PMS1: variants seen among roughly 807,000 people sequenced by gnomAD.
The protein encoded by PMS1 is PMS1 protein homolog 1.
A neutral mutation model predicts 93.1 loss-of-function variants in PMS1; 79 were observed. The ratio of observed to expected loss-of-function variants is 0.85; its 90% confidence interval spans 0.71 to 1.02. The LOEUF is 1.02. PMS1 is among the 50% of genes least tolerant of loss of function. PMS1 has a pLI of 0.00. For missense variants in PMS1, 1,064 were observed against 1,085.3 expected, an observed-to-expected ratio of 0.98 and a Z score of 0.28; for synonymous variants, 335 against 363.4, an observed-to-expected ratio of 0.92 and a Z score of 0.89.
intron 12 of PMS1, among the ~76,000 whole-genome samples, chr2:189,875,939 G>C (rs1387649299): frequency 2.5e-5 from 3 of 118,296 alleles, no homozygotes; most frequent in African/African-American, 1.1e-4. Flanking sequence ...CTGGGCGATA[G>C]AGCTAGACTC....
chr2:189,836,060 GT>G (rs2053360005), intron 5 of PMS1, among the ~76,000 whole-genome samples: 1 of 152,018 alleles, frequency 6.6e-6, no homozygotes. Context: ...TTTAGAAGGA[GT>G]TGACTTTGCT....
At chr2:189,836,532 G>A (rs1465214945) in intron 5 of PMS1, among the ~76,000 whole-genome samples, 2 of 152,240 alleles carry the variant, frequency 1.3e-5, no homozygotes, top group Non-Finnish European at 2.9e-5. Context: ...AAACGGTAGA[G>A]AAAGCAAACT....
intron 1 of PMS1, among the ~76,000 whole-genome samples, chr2:189,789,913 A>G (rs1228811968): frequency 2.0e-5 from 3 of 152,168 alleles, no homozygotes; most frequent in Non-Finnish European, 2.9e-5. Flanking sequence ...ATAAGATGCA[A>G]AAAGCACCCC....
intron 5 of PMS1, among the ~76,000 whole-genome samples, chr2:189,843,725 A>G (rs1386365611): frequency 1.3e-5 from 2 of 152,226 alleles, no homozygotes; most frequent in East Asian, 3.8e-4. Context: ...GAAATCTTGT[A>G]AAGAGGAGAA....
intron 5 of PMS1, among the ~76,000 whole-genome samples, chr2:189,833,536 C>G (rs1251690173): frequency 1.3e-5 from 2 of 152,164 alleles, no homozygotes; most frequent in African/African-American, 4.8e-5. Context: ...GAGCTGAGAT[C>G]ACGCCATTGC....
chr2:189,845,250 A>G (rs1332624554), intron 6 of PMS1, among the ~76,000 whole-genome samples: 2 of 151,978 alleles, frequency 1.3e-5, no homozygotes, highest in African/African-American at 4.8e-5. Flanking sequence ...CTATAAAACA[A>G]TCTTCGTTAA....
At chr2:189,873,412 A>C in intron 11 of PMS1, 84 bp from the exon 12 acceptor site, 1 of 892,462 alleles carries the variant, frequency 1.1e-6, no homozygotes, top group Non-Finnish European at 1.8e-6. Flanking sequence ...GGGTTCACTA[A>C]ATGTTTTAAC....
In PMS1 at chr2:189,858,254, T is replaced by C. The variant is rs576574841; in HGVS notation, c.1856+3126T>C. On this transcript the variant is annotated intron_variant, in intron 9 of 12. Transcript: ENST00000441310. Reference sequence around the variant, plus strand: ...AAATCCAGATTTGGGCCATGTGCCCTACCACTGGGGTCTCACTCAGTTGAC... The same window carrying C: ...AAATCCAGATTTGGGCCATGTGCCCCACCACTGGGGTCTCACTCAGTTGAC... Among the ~76,000 whole-genome samples the C allele has an allele frequency of 9.2e-5, 14 of 152,268 alleles. No homozygotes were observed. In the South Asian group the frequency reaches 2.3e-3, roughly 25 times the overall value.
At chr2:189,827,390 A>G (rs1183338673) in intron 5 of PMS1, among the ~76,000 whole-genome samples, 2 of 152,120 alleles carry the variant, frequency 1.3e-5, no homozygotes, top group African/African-American at 2.4e-5. Context: ...TTTAACTCTA[A>G]AACTCTTTGA....
At chr2:189,864,482 C>A in intron 10 of PMS1, 1 of 374,668 alleles carries the variant, frequency 2.7e-6, no homozygotes, top group Non-Finnish European at 5.1e-6. Flanking sequence ...ATAGTGAAAC[C>A]CTGTCTCTAC....
At chr2:189,862,125 ATTGT>A (rs1340688078) in intron 9 of PMS1, among the ~76,000 whole-genome samples, 4 of 151,980 alleles carry the variant, frequency 2.6e-5, no homozygotes, top group Non-Finnish European at 5.9e-5. Flanking sequence ...TATATATTAG[ATTGT>A]TTGTTTTGCC....
chr2:189,864,298 AG>A lies in PMS1; in HGVS notation c.2342+72del. The A allele has an allele frequency of 2.8e-6, 3 of 1,064,872 alleles. No individual in the cohort carries two copies. The South Asian group carries it at 3.8e-5, about 14-fold the overall frequency. The allele number at this position is 1,064,872 out of a possible 1,614,324, so 66.0% of individuals were successfully genotyped here. ...ATAGTTCATACTAGATTAAAATCGA[AG>A]GTAGAAGGTTGGGAATGTTTCCTAG... On this transcript the variant is annotated intron_variant, in intron 10 of 12. Coordinates refer to ENST00000441310, the MANE Select transcript of PMS1 (RefSeq NM_000534.5).
At chr2:189,821,719 G>A (rs542857322) in intron 5 of PMS1, among the ~76,000 whole-genome samples, 1 of 150,062 alleles carries the variant, frequency 6.7e-6, no homozygotes, top group Admixed American at 6.6e-5. Context: ...TAAGACAGGA[G>A]AATCTCTTGA....
At chr2:189,821,778 C>T (rs2051913557) in intron 5 of PMS1, among the ~76,000 whole-genome samples, 1 of 152,118 alleles carries the variant, frequency 6.6e-6, no homozygotes. Flanking sequence ...CACTGCACTC[C>T]AGCCTGGGCG....
At chr2:189,806,469 T>C (rs1575084661) in intron 4 of PMS1, 2 of 294,862 alleles carry the variant, frequency 6.8e-6, no homozygotes, top group South Asian at 3.6e-5. Context: ...ATCATCTTGG[T>C]TCACTGCAAC....
intron 10 of PMS1, among the ~76,000 whole-genome samples, chr2:189,864,687 A>AATATATATATAT (rs1220402323): frequency 1.1e-4 from 2 of 18,246 alleles, no homozygotes; most frequent in Non-Finnish European, 2.0e-4. Context: ...AAAAAAAAAA[A>AATATATATATAT]ATATATATAT....
chr2:189,849,809 C>T (rs1666666085), intron 6 of PMS1, among the ~76,000 whole-genome samples: 1 of 150,166 alleles, frequency 6.7e-6, no homozygotes, highest in African/African-American at 2.5e-5. Flanking sequence ...GGAGTTGTCT[C>T]TGTTCTTTCT....
chr2:189,864,813 A>G (rs2056498492), intron 10 of PMS1, among the ~76,000 whole-genome samples: 1 of 144,184 alleles, frequency 6.9e-6, no homozygotes, highest in Non-Finnish European at 1.5e-5. Flanking sequence ...TTTAATAAGT[A>G]TGAAGCTCAT....
At chr2:189,838,814 A>G (rs1169322482) in intron 5 of PMS1, among the ~76,000 whole-genome samples, 1 of 152,236 alleles carries the variant, frequency 6.6e-6, no homozygotes, top group East Asian at 1.9e-4. Flanking sequence ...ACTGACTTGC[A>G]TTCCACCGAA....
Sources: allele counts gnomAD v4.1 joint callset (sites outside exome capture counted in the v4.1 genomes callset), GRCh38; gene constraint gnomAD v4.1.1; transcripts MANE v1.5; gene names NCBI Gene and HGNC (gene_info 2026-07-23, HGNC 2026-07-21).